Variants in ASMTL observed in about 807,000 individuals in gnomAD.
ASMTL encodes probable bifunctional dTTP/UTP pyrophosphatase/methyltransferase protein.
A neutral mutation model predicts 60.3 loss-of-function variants in ASMTL; 57 were observed. The ratio of observed to expected loss-of-function variants is 0.95; its 90% CI spans 0.76 to 1.18. The LOEUF (loss-of-function observed/expected upper bound fraction) is 1.18. ASMTL is among the 50% of genes most tolerant of loss of function. ASMTL has a pLI of 0.00. For synonymous variants in ASMTL, 419 were observed against 373.0 expected, an observed-to-expected ratio of 1.12 and a Z score of -1.42; for missense variants, 981 against 852.6, an observed-to-expected ratio of 1.15 and a Z score of -1.88.
At chrX:1,436,104 C>T (rs6644940) in intron 3 of ASMTL, among the ~76,000 whole-genome samples, 1 of 151,970 alleles carries the variant, frequency 6.6e-6, no homozygotes, top group Non-Finnish European at 1.5e-5. Context: ...TGTGGTCCTC[C>T]GGGGCTGGTT....
intron 12 of ASMTL, among the ~76,000 whole-genome samples, chrX:1,412,434 G>C (rs1158504991): frequency 6.6e-6 from 1 of 152,088 alleles, no homozygotes; most frequent in Non-Finnish European, 1.5e-5. Context: ...CACCATGTTG[G>C]CCAGGCTGGT....
At chrX:1,416,277 CAACA>C (rs1255306778) in intron 11 of ASMTL, among the ~76,000 whole-genome samples, 3 of 134,722 alleles carry the variant, frequency 2.2e-5, no homozygotes, top group Non-Finnish European at 4.7e-5. Context: ...ACAGATACAC[CAACA>C]GACAGGCACG....
At chrX:1,405,527 A>G (rs1482777456) in intron 12 of ASMTL, among the ~76,000 whole-genome samples, 64 of 144,756 alleles carry the variant, frequency 4.4e-4, no homozygotes, top group South Asian at 6.7e-4. Flanking sequence ...TGTATAGATG[A>G]TGGGTAGGTA....
chrX:1,432,790 C>T (rs1460277798), intron 5 of ASMTL, among the ~76,000 whole-genome samples: 10 of 151,696 alleles, frequency 6.6e-5, no homozygotes, highest in Admixed American at 6.5e-5. Flanking sequence ...GATCGCGCCC[C>T]TGCATTCCAG....
intron 1 of ASMTL, among the ~76,000 whole-genome samples, chrX:1,449,290 C>T (rs1229958654): frequency 1.3e-5 from 2 of 151,966 alleles, no homozygotes; most frequent in Non-Finnish European, 2.9e-5. Context: ...GCGCTCCTCA[C>T]CTCTTGAAGG....
chrX:1,417,546 G>GACAC (rs59114659), intron 11 of ASMTL, among the ~76,000 whole-genome samples: 45,141 of 136,946 alleles, frequency 0.33, 7,100 homozygotes, highest in African/African-American at 0.38. Context: ...CATGCACACA[G>GACAC]ACACACAAGC....
At position 1,442,233 on chromosome X, in the gene ASMTL, C is replaced by T. The variant is rs375839536; in HGVS notation, c.178G>A (p.Glu60Lys). The change falls in exon 2 of 13, where the codon GAG (glutamate) becomes AAG (lysine). Residue 60 changes from glutamate (E) to lysine (K), a missense_variant. By Grantham distance (56) the Glu-to-Lys change is moderately conservative. Coordinates refer to ENST00000381317, the MANE Select transcript of ASMTL (RefSeq NM_004192.4). ...SFATPYGYAM[E>K]TAKQKALEVA... Reference sequence around the variant, plus strand: ...TCCAGGGCCTTCTGCTTGGCGGTCTCCATGGCGTACCCATACGGAGTAGCG... The same window carrying T: ...TCCAGGGCCTTCTGCTTGGCGGTCTTCATGGCGTACCCATACGGAGTAGCG... 1.2e-6 allele frequency: 2 copies of T among 1,613,892 alleles called. No homozygotes were observed. Among genetic ancestry groups the T allele is most frequent in the Non-Finnish European group, 1.7e-6 (2 of 1,179,870 alleles).
chrX:1,422,835 G>T (rs1254350846), intron 8 of ASMTL, among the ~76,000 whole-genome samples: 2 of 152,162 alleles, frequency 1.3e-5, no homozygotes, highest in African/African-American at 4.8e-5. Context: ...CTCTGCAGAC[G>T]TGGAACTGCT....
intron 8 of ASMTL, among the ~76,000 whole-genome samples, chrX:1,423,901 C>T (rs754748387): frequency 1.2e-3 from 178 of 151,432 alleles, no homozygotes; most frequent in African/African-American, 4.1e-3. Context: ...CCTACCCATC[C>T]ATCTATTCAC....
chrX:1,407,199 T>C (rs1234706817), intron 12 of ASMTL, among the ~76,000 whole-genome samples: 2 of 148,148 alleles, frequency 1.3e-5, no homozygotes, highest in South Asian at 4.3e-4. Flanking sequence ...ATGGATGAGA[T>C]GGATGGCTGG....
chrX:1,428,324 A>C, intron 6 of ASMTL: 2 of 6,416 alleles, frequency 3.1e-4, no homozygotes, highest in Non-Finnish European at 3.5e-4. Context: ...TGGCATCTCA[A>C]AAAAAAAAAA....
chrX:1,422,116 A>T (rs1410566186), intron 8 of ASMTL, among the ~76,000 whole-genome samples: 1 of 152,128 alleles, frequency 6.6e-6, no homozygotes, highest in Non-Finnish European at 1.5e-5. Flanking sequence ...ACTGTTACCC[A>T]CTGAGGCTGA....
chrX:1,437,261 A>G (rs2090990176), intron 3 of ASMTL, among the ~76,000 whole-genome samples: 2 of 151,580 alleles, frequency 1.3e-5, no homozygotes, highest in Admixed American at 1.3e-4. Flanking sequence ...CTGTGTCCTC[A>G]CAGGGTCATC....
At position 1,441,165 on chromosome X, in the gene ASMTL, G is replaced by A. The variant is rs1396697292; in HGVS notation, c.225+1021C>T. On this transcript the variant is annotated intron_variant, in intron 2 of 12. Transcript: ENST00000381317. Reference sequence around the variant, plus strand: ...AGCTACATAATTCTATATCATAAATGATACTATTATATTAATTGCAAGAGA... The same window carrying A: ...AGCTACATAATTCTATATCATAAATAATACTATTATATTAATTGCAAGAGA... Among the ~76,000 whole-genome samples, 11 of 152,136 alleles carry A rather than the reference G, an allele frequency of 7.2e-5. No homozygotes were observed. In the South Asian group the frequency reaches 1.0e-3, roughly 14 times the overall value.
chrX:1,445,338 C>T (rs184572216), intron 1 of ASMTL, among the ~76,000 whole-genome samples: 143 of 152,278 alleles, frequency 9.4e-4, no homozygotes, highest in Admixed American at 1.8e-3. Context: ...CCAAACAACC[C>T]GACATTCCTA....
intron 8 of ASMTL, among the ~76,000 whole-genome samples, chrX:1,424,602 A>T (rs2090564976): frequency 6.6e-6 from 1 of 150,572 alleles, no homozygotes; most frequent in Non-Finnish European, 1.5e-5. Context: ...CCACTCACCC[A>T]CTTATCCATC....
chrX:1,432,405 C>G (rs1221418520), intron 5 of ASMTL, 28 bp from the exon 6 acceptor site: 2 of 1,579,788 alleles, frequency 1.3e-6, no homozygotes, highest in African/African-American at 1.3e-5. Context: ...TGGGGGTGAG[C>G]GTGGACGCCA....
At position 1,411,183 on chromosome X, in the gene ASMTL, CAAA is replaced by C. The variant is rs1177614347; in HGVS notation, c.1645+1546_1645+1548del. Reference sequence around the variant, plus strand: ...TGGGCGACAGAGCGAGACTCCGTCTCAAAAAAAAAAAAGAAGAGAGATACACAG... The same window carrying C: ...TGGGCGACAGAGCGAGACTCCGTCTCAAAAAAAAAGAAGAGAGATACACAG... On this transcript the variant is annotated intron_variant, in intron 12 of 12. Transcript: ENST00000381317. 1.4e-4 allele frequency among the ~76,000 whole-genome samples: 21 copies of C among 145,650 alleles called. No homozygotes were observed. The East Asian group carries it at 4.1e-3, about 28-fold the overall frequency.
chrX:1,432,454 C>T (rs2149324374), intron 5 of ASMTL, 77 bp from the exon 6 acceptor site: 1 of 1,084,212 alleles, frequency 9.2e-7, no homozygotes, highest in Non-Finnish European at 1.4e-6. Flanking sequence ...CGTGGCTGTG[C>T]TGTGGAGGTG....
Sources: allele counts gnomAD v4.1 joint callset (sites outside exome capture counted in the v4.1 genomes callset), GRCh38; gene constraint gnomAD v4.1.1; transcripts MANE v1.5; gene names NCBI Gene and HGNC (gene_info 2026-07-23, HGNC 2026-07-21).